Variants in GALNT2 observed in about 807,000 individuals in gnomAD.
The protein encoded by GALNT2 is UDP-GalNAc:polypeptide N-acetylgalactosaminyltransferase 2.
Under a neutral mutation model 81.4 loss-of-function variants are expected in GALNT2, and 31 were observed. The ratio of observed to expected loss-of-function variants is 0.38; its 90% CI spans 0.29 to 0.51. The LOEUF is 0.51. GALNT2 is among the 20% of genes least tolerant of loss of function. The pLI, the probability that GALNT2 is intolerant of heterozygous loss-of-function variation, is 0.87. For synonymous variants in GALNT2, 303 were observed against 287.4 expected (o/e 1.05, Z -0.55); for missense variants, 629 against 765.7 (o/e 0.82, Z 2.11).
intron 1 of GALNT2, among the ~76,000 whole-genome samples, chr1:230,107,241 C>G (rs944589806): frequency 6.6e-6 from 1 of 152,214 alleles, no homozygotes; most frequent in African/African-American, 2.4e-5. Flanking sequence ...GAATCAGCCA[C>G]TTACACAGAC....
intron 3 of GALNT2, among the ~76,000 whole-genome samples, chr1:230,231,394 C>T (rs1397853490): frequency 6.6e-6 from 1 of 152,142 alleles, no homozygotes. Flanking sequence ...CACTAGGTCA[C>T]CTGGGGTGAG....
intron 1 of GALNT2, among the ~76,000 whole-genome samples, chr1:230,136,926 G>A (rs1036029284): frequency 6.6e-6 from 1 of 152,216 alleles, no homozygotes; most frequent in Non-Finnish European, 1.5e-5. Context: ...CTGCTTCACG[G>A]ATGCTTTCAC....
At chr1:230,161,478 A>T (rs974403540) in intron 1 of GALNT2, among the ~76,000 whole-genome samples, 23 of 152,228 alleles carry the variant, frequency 1.5e-4, no homozygotes, top group Non-Finnish European at 2.8e-4. Context: ...GTGGCAAAGA[A>T]ATATGGCCAC....
In GALNT2 at chr1:230,256,229, G is replaced by C. The variant is rs1665710736; in HGVS notation, c.1136+885G>C. Among the ~76,000 whole-genome samples the C allele has an allele frequency of 2.0e-5, 3 of 152,086 alleles. No homozygotes were observed. In the South Asian group the frequency reaches 6.2e-4, roughly 32 times the overall value. On this transcript the variant is annotated intron_variant, in intron 11 of 15. Transcript: ENST00000366672. ...CGAGATGGGCAGATCACCTGAGTTT[G>C]GGCAGATCAGGAGTTTGAGACCAGC...
At chr1:230,171,512 C>T (rs1429366196) in intron 1 of GALNT2, among the ~76,000 whole-genome samples, 11 of 152,096 alleles carry the variant, frequency 7.2e-5, no homozygotes, top group South Asian at 2.1e-4. Flanking sequence ...ATGGTATTTT[C>T]GGTAATTTAA....
At chr1:230,126,920 T>G (rs961264451) in intron 1 of GALNT2, among the ~76,000 whole-genome samples, 1 of 152,210 alleles carries the variant, frequency 6.6e-6, no homozygotes, top group African/African-American at 2.4e-5. Flanking sequence ...TTTATGGGGC[T>G]GACATTTGTT....
At chr1:230,226,826 T>C (rs56807910) in intron 3 of GALNT2, among the ~76,000 whole-genome samples, 43,774 of 152,050 alleles carry the variant, frequency 0.29, 6,382 homozygotes, top group African/African-American at 0.35. Flanking sequence ...TTTCCTTATG[T>C]AGGGTAGCTG....
intron 1 of GALNT2, among the ~76,000 whole-genome samples, chr1:230,169,422 G>A (rs1298650608): frequency 2.0e-5 from 3 of 152,242 alleles, no homozygotes; most frequent in Non-Finnish European, 4.4e-5. Context: ...GGATATGCCA[G>A]TGCATTTGCA....
At position 230,105,004 on chromosome 1, in the gene GALNT2, G is replaced by T. The variant is rs1372845208; in HGVS notation, c.126+37598G>T. On this transcript the variant is annotated intron_variant, in intron 1 of 15. Coordinates refer to ENST00000366672, the MANE Select transcript of GALNT2 (RefSeq NM_004481.5). Reference sequence around the variant, plus strand: ...GGAATGTAGGCAGGAGGGCCACAGTGGCGCTGTGGATTCAGACCACACCTT... The same window carrying T: ...GGAATGTAGGCAGGAGGGCCACAGTTGCGCTGTGGATTCAGACCACACCTT... 2.0e-5 allele frequency among the ~76,000 whole-genome samples: 3 copies of T among 152,244 alleles called. No homozygotes were observed. In the East Asian group the frequency reaches 5.8e-4, roughly 29 times the overall value.
At chr1:230,067,639 C>A (rs1659239212) in intron 1 of GALNT2, among the ~76,000 whole-genome samples, 1 of 152,058 alleles carries the variant, frequency 6.6e-6, no homozygotes, top group African/African-American at 2.4e-5. Flanking sequence ...TGCCCCCTCT[C>A]GTGGACGTCG....
chr1:230,212,838 A>AT (rs1365874623), intron 3 of GALNT2, among the ~76,000 whole-genome samples: 3 of 152,018 alleles, frequency 2.0e-5, no homozygotes, highest in Non-Finnish European at 4.4e-5. Context: ...TTCCCTTGAT[A>AT]TGTTTCCTCT....
intron 1 of GALNT2, among the ~76,000 whole-genome samples, chr1:230,079,323 A>G (rs1275157931): frequency 2.0e-5 from 3 of 152,284 alleles, no homozygotes; most frequent in South Asian, 2.1e-4. Flanking sequence ...CTTTAGAGCC[A>G]TTGCTCATTT....
At chr1:230,260,793 GAA>G (rs1228767286) in intron 11 of GALNT2, among the ~76,000 whole-genome samples, 3 of 152,144 alleles carry the variant, frequency 2.0e-5, no homozygotes, top group Non-Finnish European at 2.9e-5. Flanking sequence ...TTAATAGAGA[GAA>G]AGTAAAAATT....
At chr1:230,105,320 G>A (rs1660510574) in intron 1 of GALNT2, among the ~76,000 whole-genome samples, 1 of 152,220 alleles carries the variant, frequency 6.6e-6, no homozygotes, top group Admixed American at 6.5e-5. Context: ...TTTAGACATT[G>A]TTTGGTCAGG....
intron 1 of GALNT2, among the ~76,000 whole-genome samples, chr1:230,086,037 G>A (rs1027735059): frequency 7.2e-5 from 11 of 152,334 alleles, no homozygotes; most frequent in Non-Finnish European, 1.6e-4. Flanking sequence ...GTTAAGGAAC[G>A]AACTCGGGTT....
At chr1:230,060,457 C>T (rs1009872243) in intron 1 of GALNT2, among the ~76,000 whole-genome samples, 3 of 152,142 alleles carry the variant, frequency 2.0e-5, no homozygotes, top group African/African-American at 7.2e-5. Flanking sequence ...ATAAGTGATG[C>T]TAGTTTTGGT....
intron 1 of GALNT2, among the ~76,000 whole-genome samples, chr1:230,100,577 C>T (rs909961498): frequency 1.3e-5 from 2 of 152,196 alleles, no homozygotes; most frequent in Non-Finnish European, 2.9e-5. Flanking sequence ...CTGCCCGCCT[C>T]GGCCTCCCAA....
At chr1:230,097,176 T>C (rs1660277278) in intron 1 of GALNT2, among the ~76,000 whole-genome samples, 1 of 152,252 alleles carries the variant, frequency 6.6e-6, no homozygotes. Flanking sequence ...AGCGGTTTGC[T>C]CAGGAGATAG....
chr1:230,139,662 A>AT (rs1307332819), intron 1 of GALNT2, among the ~76,000 whole-genome samples: 1 of 152,210 alleles, frequency 6.6e-6, no homozygotes, highest in East Asian at 1.9e-4. Flanking sequence ...ATAGTAAGGG[A>AT]TTTTTTGTTT....
Sources: gnomAD v4.1 joint callset for allele counts (sites outside exome capture counted in the v4.1 genomes callset) on GRCh38, gnomAD v4.1.1 for gene constraint, MANE v1.5 for transcripts, NCBI Gene and HGNC (gene_info 2026-07-23, HGNC 2026-07-21) for gene names.